FBXL17: variants seen among roughly 807,000 people sequenced by gnomAD.
FBXL17 encodes F-box/LRR-repeat protein 17.
In FBXL17, 22 loss-of-function variants were observed where a neutral mutation model predicts 66.2. That is an observed-to-expected ratio of 0.33 (90% CI 0.24 to 0.47). FBXL17 has a LOEUF of 0.47. FBXL17 is among the 20% of genes least tolerant of loss of function. FBXL17 has a pLI of 1.00. For synonymous variants in FBXL17, 474 were observed against 400.5 expected (o/e 1.18, Z -2.19); for missense variants, 878 against 948.2 (o/e 0.93, Z 0.97).
At chr5:108,242,396 TGTC>T (rs1375832565) in intron 4 of FBXL17, among the ~76,000 whole-genome samples, 26 of 141,688 alleles carry the variant, frequency 1.8e-4, no homozygotes, top group Non-Finnish European at 3.5e-4. Flanking sequence ...TTGTTGTTGT[TGTC>T]ATTGTAGGGA....
intron 6 of FBXL17, among the ~76,000 whole-genome samples, chr5:108,069,814 A>G (rs533563197): frequency 3.9e-5 from 6 of 152,370 alleles, no homozygotes; most frequent in African/African-American, 1.4e-4. Flanking sequence ...TTCCTCATGC[A>G]GATGCCTGAA....
At chr5:107,979,677 G>C (rs1255841291) in intron 7 of FBXL17, among the ~76,000 whole-genome samples, 1 of 152,140 alleles carries the variant, frequency 6.6e-6, no homozygotes, top group Non-Finnish European at 1.5e-5. Flanking sequence ...ATCTATTATA[G>C]GGGCTTGATT....
chr5:107,943,206 G>C (rs116592092), intron 7 of FBXL17, among the ~76,000 whole-genome samples: 2 of 152,092 alleles, frequency 1.3e-5, no homozygotes, highest in African/African-American at 4.8e-5. Context: ...ACTCTCCTAA[G>C]CTTTAGAGAC....
At chr5:107,963,073 T>A (rs778162051) in intron 7 of FBXL17, among the ~76,000 whole-genome samples, 1 of 152,172 alleles carries the variant, frequency 6.6e-6, no homozygotes, top group African/African-American at 2.4e-5. Context: ...TCTCATACTA[T>A]CAAAGATCAA....
At chr5:107,932,459 A>C (rs759616417) in intron 7 of FBXL17, among the ~76,000 whole-genome samples, 7 of 152,172 alleles carry the variant, frequency 4.6e-5, no homozygotes, top group Non-Finnish European at 1.0e-4. Context: ...AAGAAGAGGA[A>C]AGTGCTCTTT....
chr5:108,298,506 A>G, intron 4 of FBXL17: 1 of 977,234 alleles, frequency 1.0e-6, no homozygotes, highest in Non-Finnish European at 1.2e-6. Flanking sequence ...CTTTATAAAA[A>G]TTAAATTCCA....
chr5:108,290,389 G>C (rs1758063111), intron 4 of FBXL17, among the ~76,000 whole-genome samples: 1 of 152,094 alleles, frequency 6.6e-6, no homozygotes, highest in Non-Finnish European at 1.5e-5. Context: ...TTTACCCCAT[G>C]TCTCGTGATC....
At chr5:108,377,478 C>T (rs1235950228) in intron 1 of FBXL17, among the ~76,000 whole-genome samples, 3 of 152,244 alleles carry the variant, frequency 2.0e-5, no homozygotes, top group Non-Finnish European at 4.4e-5. Flanking sequence ...GACAGCGAAG[C>T]TGCTGGTTTT....
intron 5 of FBXL17, among the ~76,000 whole-genome samples, chr5:108,206,612 C>T (rs1754128808): frequency 6.6e-6 from 1 of 151,356 alleles, no homozygotes; most frequent in African/African-American, 2.5e-5. Context: ...TAGAATTTCA[C>T]AGATGAAACA....
At chr5:107,962,012 G>T (rs370188572) in intron 7 of FBXL17, among the ~76,000 whole-genome samples, 14 of 152,078 alleles carry the variant, frequency 9.2e-5, no homozygotes, top group Admixed American at 3.3e-4. Context: ...TAACAAATGT[G>T]AGCACAAAAT....
chr5:108,286,102 T>A (rs1757888926), intron 4 of FBXL17, among the ~76,000 whole-genome samples: 1 of 151,942 alleles, frequency 6.6e-6, no homozygotes, highest in Admixed American at 6.6e-5. Context: ...CCCTTCATGT[T>A]AAAAACCCTC....
intron 6 of FBXL17, among the ~76,000 whole-genome samples, chr5:108,111,551 T>C (rs1385298108): frequency 6.6e-6 from 1 of 152,230 alleles, no homozygotes; most frequent in Admixed American, 6.5e-5. Flanking sequence ...CTATCATTCA[T>C]TCTTAAGTAT....
At position 108,276,899 on chromosome 5, in the gene FBXL17, A is replaced by G. The variant is rs188297802; in HGVS notation, c.1507-52671T>C. ...TTTAAAAACCATAAAACATAAGCCAATGCATACCCTGGCTAATTTTTTCTC... is the reference window on the plus strand; with the variant it reads ...TTTAAAAACCATAAAACATAAGCCAGTGCATACCCTGGCTAATTTTTTCTC... On this transcript the variant is annotated intron_variant, in intron 4 of 8. Coordinates refer to ENST00000542267, the MANE Select transcript of FBXL17 (RefSeq NM_001163315.3). 1.9e-3 allele frequency among the ~76,000 whole-genome samples: 288 copies of G among 152,196 alleles called. 2 individuals are homozygous for G. The highest frequency in any genetic ancestry group is 3.0e-3 in the Non-Finnish European group (206 of 67,954).
At chr5:107,946,253 TTTTATATATATATATATATATA>T (rs1182807154) in intron 7 of FBXL17, among the ~76,000 whole-genome samples, 4 of 63,490 alleles carry the variant, frequency 6.3e-5, no homozygotes, top group Non-Finnish European at 9.4e-5. Flanking sequence ...ATCAATCTCA[TTTTATATATATATATATATATA>T]TATATATATA....
At chr5:107,945,342 G>A (rs1291319366) in intron 7 of FBXL17, among the ~76,000 whole-genome samples, 2 of 152,050 alleles carry the variant, frequency 1.3e-5, no homozygotes, top group South Asian at 4.1e-4. Context: ...TTACTTTGGA[G>A]AGCAAATTGG....
In FBXL17 at chr5:108,295,122, G is replaced by T. The variant is rs377229000; in HGVS notation, c.1506+53277C>A. Among the ~76,000 whole-genome samples the T allele has an allele frequency of 1.1e-4, 17 of 151,786 alleles. No individual in the cohort carries two copies. The East Asian group carries it at 3.1e-3, about 28-fold the overall frequency. ...AAGAGTACACTTTTTTAACTCTGAA[G>T]GATATATTATTTACTGAAACTTTAC... On this transcript the variant is annotated intron_variant, in intron 4 of 8. Coordinates refer to ENST00000542267, the MANE Select transcript of FBXL17 (RefSeq NM_001163315.3).
chr5:107,986,865 C>T (rs977291504), intron 7 of FBXL17, among the ~76,000 whole-genome samples: 4 of 151,724 alleles, frequency 2.6e-5, no homozygotes, highest in African/African-American at 9.7e-5. Context: ...AAACATCTAA[C>T]AAAAAATGTA....
intron 2 of FBXL17, 73 bp downstream of exon 2, chr5:108,367,758 A>C (rs976432625): frequency 8.4e-6 from 11 of 1,306,966 alleles, no homozygotes; most frequent in Non-Finnish European, 1.1e-5. Context: ...GAAGACAGTA[A>C]AGATTTCTGA....
chr5:107,878,050 C>T (rs1748664875), intron 8 of FBXL17, among the ~76,000 whole-genome samples: 2 of 152,142 alleles, frequency 1.3e-5, no homozygotes, highest in Admixed American at 1.3e-4. Flanking sequence ...TTCTGCATCC[C>T]TGTGCTGGAG....
Sources: allele counts gnomAD v4.1 joint callset (sites outside exome capture counted in the v4.1 genomes callset), GRCh38; gene constraint gnomAD v4.1.1; transcripts MANE v1.5; gene names NCBI Gene and HGNC (gene_info 2026-07-23, HGNC 2026-07-21).